ERLEC1: variants seen among roughly 807,000 people sequenced by gnomAD.
The protein encoded by ERLEC1 is ER lectin.
A neutral mutation model predicts 68.0 loss-of-function variants in ERLEC1; 47 were observed. The ratio of observed to expected loss-of-function variants is 0.69; its 90% CI spans 0.55 to 0.88. The LOEUF (loss-of-function observed/expected upper bound fraction) is 0.88, where lower values mean the gene tolerates loss of function less well. Ranked by LOEUF, ERLEC1 falls within the 40% of genes least tolerant of loss-of-function variation. The pLI is 0.00. For synonymous variants in ERLEC1, 225 were observed against 203.2 expected, an observed-to-expected ratio of 1.11 and a Z score of -0.91; for missense variants, 567 against 583.8, an observed-to-expected ratio of 0.97 and a Z score of 0.30.
intron 6 of ERLEC1, among the ~76,000 whole-genome samples, chr2:53,799,677 CTTA>C (rs1675905216): frequency 6.6e-6 from 1 of 151,946 alleles, no homozygotes; most frequent in South Asian, 2.1e-4. Flanking sequence ...TTAAAAATAA[CTTA>C]TTAATAGAGG....
intron 2 of ERLEC1, among the ~76,000 whole-genome samples, chr2:53,794,858 T>G (rs1256110315): frequency 6.6e-6 from 1 of 152,010 alleles, no homozygotes; most frequent in African/African-American, 2.4e-5. Context: ...TTTTACCATG[T>G]TGGCCAGGAT....
Position 53,797,752 on chromosome 2 carries a change from C to T in ERLEC1, c.447C>T (p.Tyr149=), listed in dbSNP as rs1157690025. 1 of 1,612,348 alleles carries T rather than the reference C, an allele frequency of 6.2e-7. No homozygotes were observed. The highest frequency in any genetic ancestry group is 8.5e-7 in the Non-Finnish European group (1 of 1,178,978). Residue 149 remains tyrosine (Y), a synonymous_variant, in exon 5 of 14, where the codon TAC becomes TAT. Transcript: ENST00000185150. ...ETGQKINIHE[Y]YLGNMLAKNL... is the part of the protein sequence containing the mutation. ...TGTAGAAAATAAATATTCACGAGTA[C>T]TACCTTGGGAATATGTTGGCCAAGA...
At chr2:53,808,506 C>G (rs760199537) in intron 9 of ERLEC1, 46 bp downstream of exon 9, 1 of 1,592,234 alleles carries the variant, frequency 6.3e-7, no homozygotes, top group Non-Finnish European at 8.5e-7. Context: ...ACAACTTTAC[C>G]TGCCAGGTAT....
rs1676011682 is a variant in ERLEC1 at position 53,801,642 on chromosome 2, T to C, written c.749+22T>C. ...ATAGGTAGGATGTGCATTTAATATT[T>C]TAAACATAAAATGCACACATGCTTT... On this transcript the variant is annotated intron_variant, in intron 7 of 13. Coordinates refer to ENST00000185150, the MANE Select transcript of ERLEC1 (RefSeq NM_015701.5). 5 of 1,613,122 alleles carry C rather than the reference T, an allele frequency of 3.1e-6. No individual in the cohort carries two copies. The East Asian group carries it at 1.1e-4, about 36-fold the overall frequency.
intron 6 of ERLEC1, among the ~76,000 whole-genome samples, chr2:53,799,773 A>G (rs1008238609): frequency 2.0e-4 from 30 of 152,152 alleles, no homozygotes; most frequent in African/African-American, 7.2e-4. Flanking sequence ...AAATTACTTA[A>G]AAGTGATGCC....
chr2:53,790,125 G>T (rs1040399620), intron 1 of ERLEC1, among the ~76,000 whole-genome samples: 2 of 151,086 alleles, frequency 1.3e-5, no homozygotes, highest in Non-Finnish European at 2.9e-5. Context: ...ACAGAGTCTC[G>T]CTCTGTCACC....
chr2:53,814,132 A>G (rs981527463), intron 11 of ERLEC1, among the ~76,000 whole-genome samples: 3 of 152,224 alleles, frequency 2.0e-5, no homozygotes, highest in African/African-American at 7.2e-5. Flanking sequence ...TTTGTCTTCT[A>G]TACTACAGTG....
intron 1 of ERLEC1, among the ~76,000 whole-genome samples, chr2:53,788,391 T>G (rs3850345): frequency 0.17 from 25,529 of 151,866 alleles, 2,497 homozygotes; most frequent in African/African-American, 0.27. Flanking sequence ...TTTGGTTTGG[T>G]TTGGGTTTTT....
At chr2:53,790,947 CA>C (rs1288773262) in intron 1 of ERLEC1, among the ~76,000 whole-genome samples, 1 of 152,162 alleles carries the variant, frequency 6.6e-6, no homozygotes, top group Non-Finnish European at 1.5e-5. Flanking sequence ...GAGATTTCAC[CA>C]AATTAAACCA....
Position 53,818,015 on chromosome 2 carries a change from T to C in ERLEC1, c.*46T>C. On this transcript the variant is annotated 3_prime_UTR_variant, in exon 14 of 14. Transcript: ENST00000185150. Reference sequence around the variant, plus strand: ...AAGAAAAGATCATTGAAAGTCATGATAATTTCTGTCCCACTGTGTCTCATT... The same window carrying C: ...AAGAAAAGATCATTGAAAGTCATGACAATTTCTGTCCCACTGTGTCTCATT... The C allele has an allele frequency of 1.7e-6, 2 of 1,205,262 alleles. No individual in the cohort carries two copies. The highest frequency in any genetic ancestry group is 2.5e-6 in the Non-Finnish European group (2 of 808,936). The allele number at this position is 1,205,262 out of a possible 1,614,324, so 74.7% of individuals were successfully genotyped here.
intron 12 of ERLEC1, 91 bp from the exon 13 acceptor site, chr2:53,814,766 GGTC>G: frequency 9.8e-7 from 1 of 1,023,654 alleles, no homozygotes; most frequent in East Asian, 2.4e-5. Flanking sequence ...AATCATACAG[GGTC>G]CACTTGAGTG....
In ERLEC1 at chr2:53,809,288, T is replaced by C. The variant is rs756419889; in HGVS notation, c.1101+15T>C. On this transcript the variant is annotated intron_variant, in intron 10 of 13. Transcript: ENST00000185150. Reference sequence around the variant, plus strand: ...AATACCATGAGGTATAGAATAGCATTTATATATCATTCTACCACTAGATGG... The same window carrying C: ...AATACCATGAGGTATAGAATAGCATCTATATATCATTCTACCACTAGATGG... The C allele has an allele frequency of 6.7e-7, 1 of 1,494,230 alleles. No individual in the cohort carries two copies. Among genetic ancestry groups the C allele is most frequent in the Non-Finnish European group, 8.9e-7 (1 of 1,118,888 alleles). 92.6% of individuals were successfully genotyped at this position (1,494,230 alleles called of 1,614,324 possible).
intron 8 of ERLEC1, among the ~76,000 whole-genome samples, chr2:53,807,957 G>A (rs113874770): frequency 1.8e-4 from 28 of 151,978 alleles, no homozygotes; most frequent in Non-Finnish European, 3.2e-4. Flanking sequence ...CCCAGGAAGC[G>A]GAGGTTGTGG....
At chr2:53,809,088 T>G (rs954936747) in intron 9 of ERLEC1, 126 bp from the exon 10 acceptor site, 2 of 671,260 alleles carry the variant, frequency 3.0e-6, no homozygotes, top group Admixed American at 3.3e-5. Flanking sequence ...TGTTTTCTTT[T>G]AATATTCAAC....
intron 2 of ERLEC1, 114 bp downstream of exon 2, chr2:53,794,563 T>C (rs900079249): frequency 1.8e-6 from 1 of 569,262 alleles, no homozygotes. Context: ...AACGCTCTTT[T>C]AGCATAAAAA....
chr2:53,814,966 C>A (rs761043143), intron 13 of ERLEC1, 31 bp downstream of exon 13: 12 of 1,165,014 alleles, frequency 1.0e-5, no homozygotes, highest in East Asian at 2.5e-5. Context: ...TCAAAAATTC[C>A]ATTTTGAGCC....
At chr2:53,808,694 A>G (rs572961595) in intron 9 of ERLEC1, among the ~76,000 whole-genome samples, 14 of 152,312 alleles carry the variant, frequency 9.2e-5, no homozygotes, top group Admixed American at 9.2e-4. Context: ...TTTGTCTGGC[A>G]ATCATATGTG....
In ERLEC1 at chr2:53,799,039, T is replaced by C. The variant is rs1675867882; in HGVS notation, c.491-8T>C. The stretch of plus-strand genomic sequence containing the variant: ...CTCATTCTTTACACTTACCTTATTA[T>C]TCCACAGAACGAGAAGCAGAAGAAA... On this transcript the variant is annotated splice_region_variant and splice_polypyrimidine_tract_variant and intron_variant, in intron 5 of 13. Transcript: ENST00000185150. The C allele has an allele frequency of 1.2e-6, 2 of 1,612,142 alleles. No homozygotes were observed. The highest frequency in any genetic ancestry group is 1.3e-5 in the African/African-American group (1 of 74,894).
chr2:53,815,981 C>G (rs1161292885), intron 13 of ERLEC1, among the ~76,000 whole-genome samples: 1 of 151,934 alleles, frequency 6.6e-6, no homozygotes, highest in Non-Finnish European at 1.5e-5. Flanking sequence ...TGTGGCTTGC[C>G]TATTCATTTT....
Sources: gnomAD v4.1 joint callset for allele counts (sites outside exome capture counted in the v4.1 genomes callset) on GRCh38, gnomAD v4.1.1 for gene constraint, MANE v1.5 for transcripts, NCBI Gene and HGNC (gene_info 2026-07-23, HGNC 2026-07-21) for gene names.